Variants in BDH1 observed in about 807,000 individuals in gnomAD.
The protein encoded by BDH1 is D-beta-hydroxybutyrate dehydrogenase, mitochondrial.
Under a neutral mutation model 33.1 loss-of-function variants are expected in BDH1, and 30 were observed. The ratio of observed to expected loss-of-function variants is 0.91; its 90% CI spans 0.68 to 1.23. BDH1 has a LOEUF of 1.23. BDH1 is among the 50% of genes most tolerant of loss of function. The pLI, the probability that BDH1 is intolerant of heterozygous loss-of-function variation, is 0.00. For missense variants in BDH1, 443 were observed against 464.4 expected, an observed-to-expected ratio of 0.95 and a Z score of 0.42; for synonymous variants, 190 against 183.6, an observed-to-expected ratio of 1.03 and a Z score of -0.28.
In BDH1 at chr3:197,510,582, AAG is replaced by A. The variant is rs1213028977; in HGVS notation, c.*1311_*1312del. The A allele has an allele frequency of 1.6e-5, 2 of 126,792 alleles. No individual in the cohort carries two copies. Among genetic ancestry groups the A allele is most frequent in the Non-Finnish European group, 3.2e-5 (2 of 62,102 alleles). The allele number at this position is 126,792 out of a possible 1,614,324, so 7.9% of individuals were successfully genotyped here. ...CGAGGCGGGAATGAAGGCCACGCTG[AAG>A]CCCTGCAGAACAGGGGTGTGTGTGT... On this transcript the variant is annotated 3_prime_UTR_variant, in exon 8 of 8. Coordinates refer to ENST00000392379, the MANE Select transcript of BDH1 (RefSeq NM_203314.3).
At chr3:197,570,291 T>C (rs1717565127) in intron 1 of BDH1, among the ~76,000 whole-genome samples, 1 of 152,210 alleles carries the variant, frequency 6.6e-6, no homozygotes, top group South Asian at 2.1e-4. Context: ...ACATAAAAGT[T>C]TGGAAAATTT....
intron 2 of BDH1, among the ~76,000 whole-genome samples, chr3:197,550,093 C>A (rs1206321529): frequency 2.0e-5 from 3 of 152,072 alleles, no homozygotes; most frequent in Admixed American, 1.3e-4. Context: ...GGAAACCTGA[C>A]AAGTTCTCAA....
intron 7 of BDH1, among the ~76,000 whole-genome samples, chr3:197,513,162 C>T (rs764344453): frequency 1.3e-5 from 2 of 152,252 alleles, no homozygotes; most frequent in African/African-American, 2.4e-5. Context: ...CCAAAGGCCA[C>T]AGGCCCAGCC....
At chr3:197,573,302 GCTTT>G (rs939541286) in exon 1 of BDH1, 5 of 152,094 alleles carry the variant, frequency 3.3e-5, no homozygotes, top group African/African-American at 1.2e-4. Context: ...CCTTTTCCAG[GCTTT>G]CTGTGTATTC....
At chr3:197,546,287 A>G (rs1716071497) in intron 3 of BDH1, 74 bp downstream of exon 3, 2 of 1,445,542 alleles carry the variant, frequency 1.4e-6, no homozygotes, top group South Asian at 2.3e-5. Flanking sequence ...CACCGCCTAC[A>G]CTGTCCATGT....
chr3:197,516,064 C>T lies in BDH1; in HGVS notation c.410-1648G>A, dbSNP rs1712693621. Among the ~76,000 whole-genome samples, 2 of 152,196 alleles carry T rather than the reference C, an allele frequency of 1.3e-5. No individual in the cohort carries two copies. The highest frequency in any genetic ancestry group is 1.5e-5 in the Non-Finnish European group (1 of 68,034). Reference sequence around the variant, plus strand: ...GTCTTCACTCTCCTCAGGCTCGCTACGATATGAGTACTGCCAGTACTCCTT... The same window carrying T: ...GTCTTCACTCTCCTCAGGCTCGCTATGATATGAGTACTGCCAGTACTCCTT... On this transcript the variant is annotated intron_variant, in intron 6 of 7. Coordinates refer to ENST00000392379, the MANE Select transcript of BDH1 (RefSeq NM_203314.3). This position sits in a 1 kb window ranked among gnomAD's most constrained non-coding sequence, Gnocchi z 4.2.
chr3:197,546,203 T>A, intron 3 of BDH1, 158 bp downstream of exon 3: 1 of 671,444 alleles, frequency 1.5e-6, no homozygotes, highest in South Asian at 2.0e-5. Flanking sequence ...GAAAATGTCT[T>A]CCCAGGACAC....
rs1579842071 is a variant in BDH1 at position 197,511,735 on chromosome 3, T to C, written c.*160A>G. ...TTGTGAAGGCCCAAGTCACTCACTA[T>C]GCAAAGAAGTCATTCCCTCTAGTTA... is the stretch of plus-strand genomic sequence containing the variant. On this transcript the variant is annotated 3_prime_UTR_variant, in exon 8 of 8. Transcript: ENST00000392379. 1.4e-6 allele frequency: 1 copy of C among 694,050 alleles called. No individual in the cohort carries two copies. Among genetic ancestry groups the C allele is most frequent in the East Asian group, 2.9e-5 (1 of 34,968 alleles). 43.0% of individuals were successfully genotyped at this position (694,050 alleles called of 1,614,324 possible).
At chr3:197,519,251 T>C (rs1438095374) in intron 6 of BDH1, among the ~76,000 whole-genome samples, 2 of 152,114 alleles carry the variant, frequency 1.3e-5, no homozygotes, top group African/African-American at 4.8e-5. Context: ...CATGCTCTTG[T>C]AGTGGTCTGA....
In BDH1 at chr3:197,533,023, A is replaced by G. The variant is rs573753829; in HGVS notation, c.156+466T>C. ...CTCCCAAGTAGCTGGGATTACAGGC[A>G]TGCACCTCCACGCCCGGCTAATTTT... On this transcript the variant is annotated intron_variant, in intron 4 of 7. Coordinates refer to ENST00000392379, the MANE Select transcript of BDH1 (RefSeq NM_203314.3). 3.9e-4 allele frequency among the ~76,000 whole-genome samples: 60 copies of G among 152,248 alleles called. 1 individual carries two copies. Among genetic ancestry groups the G allele is most frequent in the Non-Finnish European group, 4.4e-4 (30 of 68,024 alleles).
chr3:197,520,046 C>T lies in BDH1; in HGVS notation c.409+2594G>A, dbSNP rs1713363460. ...TCCTGCATGGGGTGTGGGTCGGTGG[C>T]GGCCACTGCGGGTCGGAACGCTCTG... On this transcript the variant is annotated intron_variant, in intron 6 of 7. Transcript: ENST00000392379. This position sits in a 1 kb window ranked among gnomAD's most constrained non-coding sequence, Gnocchi z 6.0. Among the ~76,000 whole-genome samples, 1 of 151,846 alleles carries T rather than the reference C, an allele frequency of 6.6e-6. No individual in the cohort carries two copies. Among genetic ancestry groups the T allele is most frequent in the Non-Finnish European group, 1.5e-5 (1 of 67,966 alleles).
At position 197,511,750 on chromosome 3, in the gene BDH1, C is replaced by T. The variant is rs780594721; in HGVS notation, c.*145G>A. On this transcript the variant is annotated 3_prime_UTR_variant, in exon 8 of 8. Transcript: ENST00000392379. ...TCACTCACTATGCAAAGAAGTCATT[C>T]CCTCTAGTTAGTGTTAAAACCAGTT... The T allele has an allele frequency of 1.3e-6, 1 of 773,490 alleles. No homozygotes were observed. Among genetic ancestry groups the T allele is most frequent in the Non-Finnish European group, 2.0e-6 (1 of 500,398 alleles). 47.9% of individuals were successfully genotyped at this position (773,490 alleles called of 1,614,324 possible).
chr3:197,531,433 A>ATG (rs1714647061), intron 5 of BDH1, among the ~76,000 whole-genome samples: 6 of 144,410 alleles, frequency 4.2e-5, no homozygotes, highest in Non-Finnish European at 1.5e-5. Context: ...ATATATATAT[A>ATG]TATGTGTATA....
In BDH1 at chr3:197,514,272, C is replaced by G. The variant is rs537760023; in HGVS notation, c.554G>C (p.Arg185Thr). ...MTKSFLPLIR[R>T]AKGRVVNISS... ...CTCCCTTTCCCACTCACCTTTGGCCCTTCGGATGAGGGGGAGAAAGGATTT... is the reference window on the plus strand; with the variant it reads ...CTCCCTTTCCCACTCACCTTTGGCCGTTCGGATGAGGGGGAGAAAGGATTT... Residue 185 changes from arginine (R) to threonine (T), a missense_variant, in exon 7 of 8, where the codon AGG becomes ACG. Transcript: ENST00000392379. This position sits in a 1 kb window ranked among gnomAD's most constrained non-coding sequence, Gnocchi z 4.2. The G allele has an allele frequency of 6.2e-7, 1 of 1,612,868 alleles. No homozygotes were observed. The highest frequency in any genetic ancestry group is 1.7e-5 in the Admixed American group (1 of 59,932).
At chr3:197,536,735 C>G (rs181020112) in intron 3 of BDH1, among the ~76,000 whole-genome samples, 1 of 152,044 alleles carries the variant, frequency 6.6e-6, no homozygotes, top group Non-Finnish European at 1.5e-5. Flanking sequence ...CCCAGCTCCT[C>G]GGGAGGCTGA....
chr3:197,555,248 C>CGGAGGA (rs371377701), intron 1 of BDH1: 2 of 154,658 alleles, frequency 1.3e-5, no homozygotes, highest in Admixed American at 6.5e-5. Context: ...CGGAGGACCC[C>CGGAGGA]GGAGGAGGAG....
In BDH1 at chr3:197,568,761, TA is replaced by T. The variant is rs752909726; in HGVS notation, c.-44+4419del. ...AGGGAACAATATGAGGATATTTGAT[TA>T]AAAAAAAAAACACCTCTGCCCATCC... On this transcript the variant is annotated intron_variant, in intron 1 of 6. Transcript: ENST00000358186. Among the ~76,000 whole-genome samples, 181 of 145,726 alleles carry T rather than the reference TA, an allele frequency of 1.2e-3. No individual in the cohort carries two copies. In the East Asian group the frequency reaches 0.026, roughly 21 times the overall value.
In BDH1 at chr3:197,511,962, CAGT is replaced by C; in HGVS notation, c.962_964del (p.Tyr321del). On this transcript the variant is annotated inframe_deletion, in exon 8 of 8. Transcript: ENST00000392379. ...GGTCATGATCTGCATTCGCAGCCAC[CAGT>C]AGTAGTCCATGGGGTGGTAGCGGGT... The C allele has an allele frequency of 6.2e-7, 1 of 1,605,300 alleles. No homozygotes were observed. The highest frequency in any genetic ancestry group is 8.5e-7 in the Non-Finnish European group (1 of 1,174,800).
Position 197,524,913 on chromosome 3 carries a change from T to G in BDH1, c.268-2132A>C, listed in dbSNP as rs186837200. Among the ~76,000 whole-genome samples, 1,199 of 152,256 alleles carry G rather than the reference T, an allele frequency of 7.9e-3. 8 individuals are homozygous for G. Among genetic ancestry groups the G allele is most frequent in the Non-Finnish European group, 0.014 (938 of 68,006 alleles). On this transcript the variant is annotated intron_variant, in intron 5 of 7. Transcript: ENST00000392379. Reference sequence around the variant, plus strand: ...AAAGGAAGCCTCCCCAGTGGCCCTTTGAAAAGGCACTGTGGCGTGGCCCGC... The same window carrying G: ...AAAGGAAGCCTCCCCAGTGGCCCTTGGAAAAGGCACTGTGGCGTGGCCCGC...
Sources: gnomAD v4.1 joint callset for allele counts (sites outside exome capture counted in the v4.1 genomes callset) on GRCh38, gnomAD v4.1.1 for gene constraint, Gnocchi (gnomAD v3.1) non-coding constraint, MANE v1.5 for transcripts, NCBI Gene and HGNC (gene_info 2026-07-23, HGNC 2026-07-21) for gene names.